Variants in CALN1 observed in about 807,000 individuals in gnomAD.
The protein encoded by CALN1 is calcium-binding protein 8.
In CALN1, 17 loss-of-function variants were observed where a neutral mutation model predicts 30.6. The observed-to-expected ratio is 0.56, with a 90% CI of 0.38 to 0.83. The LOEUF (loss-of-function observed/expected upper bound fraction) is 0.83, where lower values mean the gene tolerates loss of function less well. Ranked by LOEUF, CALN1 falls within the 40% of genes least tolerant of loss-of-function variation. CALN1 has a pLI of 0.00. For missense variants in CALN1, 291 were observed against 354.9 expected, an observed-to-expected ratio of 0.82 and a Z score of 1.45; for synonymous variants, 156 against 131.4, an observed-to-expected ratio of 1.19 and a Z score of -1.28.
intron 1 of CALN1, among the ~76,000 whole-genome samples, chr7:72,437,944 T>TCCTTCCCTCTCTC (rs1808227817): frequency 7.0e-6 from 1 of 143,472 alleles, no homozygotes; most frequent in African/African-American, 2.6e-5. Context: ...CTCTCTCCCT[T>TCCTTCCCTCTCTC]CCTTCCTTCC....
upstream of CALN1, among the ~76,000 whole-genome samples, chr7:72,447,536 C>T (rs923540059): frequency 2.0e-5 from 3 of 152,098 alleles, no homozygotes; most frequent in Admixed American, 2.0e-4. Context: ...TCTTCAGACA[C>T]GGGGCTGCAC....
chr7:72,232,244 A>G (rs1794158253), intron 3 of CALN1, among the ~76,000 whole-genome samples: 1 of 152,210 alleles, frequency 6.6e-6, no homozygotes, highest in Non-Finnish European at 1.5e-5. Flanking sequence ...AGTCAGAACT[A>G]AAGATCCCAT....
At chr7:72,184,943 C>A (rs1254995368) in intron 3 of CALN1, among the ~76,000 whole-genome samples, 3 of 152,032 alleles carry the variant, frequency 2.0e-5, no homozygotes, top group Non-Finnish European at 4.4e-5. Flanking sequence ...AGGTGCACAT[C>A]AACAAGCCCG....
At chr7:72,199,465 C>T (rs80277087) in intron 3 of CALN1, among the ~76,000 whole-genome samples, 1,837 of 152,250 alleles carry the variant, frequency 0.012, 36 homozygotes, top group African/African-American at 0.042. Flanking sequence ...CAGTGCTTGG[C>T]AGGCTGAGCC....
chr7:72,441,930 C>T (rs926602200), intron 1 of CALN1, among the ~76,000 whole-genome samples: 5 of 152,014 alleles, frequency 3.3e-5, no homozygotes, highest in East Asian at 1.9e-4. Context: ...ACATCTCCAC[C>T]GGGAGCCTCA....
intron 2 of CALN1, among the ~76,000 whole-genome samples, chr7:72,394,866 C>T (rs777309602): frequency 9.2e-5 from 14 of 151,980 alleles, no homozygotes; most frequent in Non-Finnish European, 1.8e-4. Context: ...CTAGATTGCC[C>T]GGGCTGGTCT....
At chr7:72,226,721 G>A (rs1175132193) in intron 3 of CALN1, among the ~76,000 whole-genome samples, 1 of 152,126 alleles carries the variant, frequency 6.6e-6, no homozygotes, top group Non-Finnish European at 1.5e-5. Context: ...TTACAGATGG[G>A]AGCATTGGGT....
chr7:71,876,827 C>T (rs987819805), intron 5 of CALN1, among the ~76,000 whole-genome samples: 8 of 152,198 alleles, frequency 5.3e-5, no homozygotes, highest in African/African-American at 1.7e-4. Flanking sequence ...GAAACTAATG[C>T]TCCGACCCAC....
intron 5 of CALN1, among the ~76,000 whole-genome samples, chr7:71,837,603 T>C (rs1234929164): frequency 1.3e-5 from 2 of 152,008 alleles, no homozygotes; most frequent in Non-Finnish European, 2.9e-5. Flanking sequence ...ATGCGAGAGC[T>C]CAAAAGCATA....
intron 3 of CALN1, among the ~76,000 whole-genome samples, chr7:72,244,405 C>T (rs917605867): frequency 6.6e-5 from 10 of 152,148 alleles, no homozygotes; most frequent in Non-Finnish European, 1.3e-4. Context: ...TACAAGACTG[C>T]TGTAAACAGG....
intron 6 of CALN1, among the ~76,000 whole-genome samples, chr7:71,794,028 C>T (rs954636937): frequency 9.2e-5 from 14 of 152,128 alleles, no homozygotes; most frequent in Admixed American, 2.6e-4. Flanking sequence ...CCAGCCTCAG[C>T]GGGTTGGGTA....
At chr7:72,409,602 T>C (rs1326413900) in intron 1 of CALN1, among the ~76,000 whole-genome samples, 1 of 151,928 alleles carries the variant, frequency 6.6e-6, no homozygotes, top group African/African-American at 2.4e-5. Flanking sequence ...ATGGATTTGA[T>C]CCCTTTCAAA....
At chr7:71,861,192 C>CGT (rs778774490) in intron 5 of CALN1, among the ~76,000 whole-genome samples, 1 of 148,554 alleles carries the variant, frequency 6.7e-6, no homozygotes, top group Admixed American at 6.7e-5. Context: ...TGTGTGTGTG[C>CGT]GTGTGTGTGT....
intron 5 of CALN1, among the ~76,000 whole-genome samples, chr7:71,885,747 G>A (rs774205320): frequency 1.3e-5 from 2 of 152,170 alleles, no homozygotes; most frequent in Admixed American, 6.5e-5. Context: ...AGTGAGACGC[G>A]CTGACCACGA....
At chr7:72,481,372 A>G in the CALN1 span, among the ~76,000 whole-genome samples, 1 of 152,250 alleles carries the variant, frequency 6.6e-6, no homozygotes, top group Non-Finnish European at 1.5e-5. Flanking sequence ...TATAAGCATG[A>G]GCCACCACGC....
intron 3 of CALN1, among the ~76,000 whole-genome samples, chr7:72,206,248 T>C (rs899449921): frequency 2.6e-5 from 4 of 152,224 alleles, no homozygotes; most frequent in Non-Finnish European, 5.9e-5. Flanking sequence ...GCATCTGTCA[T>C]TGGATTTGTT....
chr7:72,391,797 G>C (rs954324531), intron 2 of CALN1, among the ~76,000 whole-genome samples: 1 of 152,060 alleles, frequency 6.6e-6, no homozygotes, highest in African/African-American at 2.4e-5. Context: ...CACACCCCCA[G>C]CCACATGGAA....
At chr7:72,411,936 A>C (rs1807190186) in intron 1 of CALN1, 122 bp downstream of exon 1, 1 of 152,210 alleles carries the variant, frequency 6.6e-6, no homozygotes, top group Non-Finnish European at 1.5e-5. Context: ...CATAGATTAA[A>C]ACACCACCAT....
intron 5 of CALN1, among the ~76,000 whole-genome samples, chr7:71,865,775 T>C (rs1313351786): frequency 2.6e-5 from 4 of 152,184 alleles, no homozygotes; most frequent in African/African-American, 4.8e-5. Context: ...TTCATTTAAC[T>C]ATACATTTGG....
Sources: allele counts gnomAD v4.1 joint callset (sites outside exome capture counted in the v4.1 genomes callset), GRCh38; gene constraint gnomAD v4.1.1; transcripts MANE v1.5; gene names NCBI Gene and HGNC (gene_info 2026-07-23, HGNC 2026-07-21).